The following ATP10B variants were observed in gnomAD, a reference collection of about 807,000 sequenced individuals.
ATP10B encodes the protein phospholipid-transporting ATPase VB.
ATP10B carries 122 observed loss-of-function variants against 141.2 expected under a neutral mutation model. The ratio of observed to expected loss-of-function variants is 0.86; its 90% CI spans 0.75 to 1.00. The LOEUF (loss-of-function observed/expected upper bound fraction) is 1.00. ATP10B is among the 50% of genes least tolerant of loss of function. The pLI, the probability that ATP10B is intolerant of heterozygous loss-of-function variation, is 0.00. For synonymous variants in ATP10B, 685 were observed against 692.0 expected, an observed-to-expected ratio of 0.99 and a Z score of 0.16; for missense variants, 1,876 against 1,825.3, an observed-to-expected ratio of 1.03 and a Z score of -0.51.
At chr5:160,675,770 TG>T (rs1394841607) in intron 6 of ATP10B, among the ~76,000 whole-genome samples, 2 of 149,994 alleles carry the variant, frequency 1.3e-5, no homozygotes, top group African/African-American at 4.9e-5. Flanking sequence ...GCTTACAACT[TG>T]TGTGACCTAC....
intron 2 of ATP10B, among the ~76,000 whole-genome samples, chr5:160,776,046 T>C (rs1770285263): frequency 6.6e-6 from 1 of 152,170 alleles, no homozygotes; most frequent in South Asian, 2.1e-4. Flanking sequence ...ATATTAGCTA[T>C]TGTGGTTACT....
chr5:160,589,464 A>G (rs1756129059), intron 24 of ATP10B, 128 bp downstream of exon 24: 1 of 726,922 alleles, frequency 1.4e-6, no homozygotes, highest in Admixed American at 2.1e-5. Context: ...CAGGTAGGAC[A>G]TAGGGTAGGA....
At chr5:160,718,243 G>T (rs1765774114) in intron 2 of ATP10B, among the ~76,000 whole-genome samples, 1 of 152,088 alleles carries the variant, frequency 6.6e-6, no homozygotes, top group Admixed American at 6.5e-5. Flanking sequence ...GACTAGTTTT[G>T]GGTACATACC....
intron 2 of ATP10B, among the ~76,000 whole-genome samples, chr5:160,763,373 A>G (rs890265227): frequency 5.3e-5 from 8 of 152,190 alleles, no homozygotes; most frequent in African/African-American, 1.7e-4. Flanking sequence ...CTCTCAGACC[A>G]CAGTGAAATA....
the ATP10B span, among the ~76,000 whole-genome samples, chr5:160,876,587 G>A: frequency 6.6e-6 from 1 of 150,926 alleles, no homozygotes; most frequent in South Asian, 2.1e-4. Flanking sequence ...AAAAATTAAT[G>A]AATCCAGAAG....
At chr5:160,882,434 T>C in the ATP10B span, among the ~76,000 whole-genome samples, 1 of 152,162 alleles carries the variant, frequency 6.6e-6, no homozygotes, top group Non-Finnish European at 1.5e-5. Context: ...AAATACATTA[T>C]TTTTAAATTT....
chr5:160,636,083 A>T (rs1343762254), intron 11 of ATP10B, 99 bp downstream of exon 11: 2 of 1,332,756 alleles, frequency 1.5e-6, no homozygotes, highest in Non-Finnish European at 2.0e-6. Flanking sequence ...TCCAGTTTGT[A>T]CTTTCTAGTG....
chr5:160,694,394 C>G (rs1162774021), intron 3 of ATP10B, among the ~76,000 whole-genome samples: 1 of 152,116 alleles, frequency 6.6e-6, no homozygotes, highest in Admixed American at 6.5e-5. Flanking sequence ...TGAGGATTAC[C>G]TAATTTTGCT....
At chr5:160,653,894 TGTAG>T (rs1561706999) in intron 7 of ATP10B, among the ~76,000 whole-genome samples, 8 of 91,332 alleles carry the variant, frequency 8.8e-5, no homozygotes, top group African/African-American at 3.1e-4. Context: ...TATAAATATA[TGTAG>T]TATATACGTA....
chr5:160,804,814 C>A (rs1198220398), intron 1 of ATP10B, among the ~76,000 whole-genome samples: 2 of 152,272 alleles, frequency 1.3e-5, no homozygotes, highest in East Asian at 3.9e-4. Flanking sequence ...AAAACAGTAG[C>A]ACCTCATGAT....
At chr5:160,884,983 T>A in the ATP10B span, among the ~76,000 whole-genome samples, 702 of 152,304 alleles carry the variant, frequency 4.6e-3, 2 homozygotes, top group Middle Eastern at 0.01. Flanking sequence ...TTTGCTGCAA[T>A]AGAGCCAGGG....
chr5:160,695,363 G>A (rs902908853), intron 3 of ATP10B, among the ~76,000 whole-genome samples: 6 of 151,224 alleles, frequency 4.0e-5, no homozygotes, highest in Non-Finnish European at 8.8e-5. Flanking sequence ...AAAAGAGAGA[G>A]GGTGCAGTGA....
chr5:160,627,796 G>A (rs1209946903), intron 13 of ATP10B, among the ~76,000 whole-genome samples: 2 of 152,218 alleles, frequency 1.3e-5, no homozygotes, highest in East Asian at 1.9e-4. Context: ...TAAACAGTGG[G>A]AACGGTATGC....
chr5:160,691,927 T>TA (rs1488874208), intron 3 of ATP10B: 1 of 152,178 alleles, frequency 6.6e-6, no homozygotes, highest in Non-Finnish European at 1.5e-5. Flanking sequence ...TTTGCTATTA[T>TA]AAAAAATGCA....
At chr5:160,776,921 C>T (rs993529807) in intron 2 of ATP10B, among the ~76,000 whole-genome samples, 31 of 152,170 alleles carry the variant, frequency 2.0e-4, no homozygotes, top group African/African-American at 7.5e-4. Flanking sequence ...GTAATTTCCA[C>T]AGGCAGCCAA....
rs144894123 is a variant in ATP10B, at chr5:160,832,132, C to T, written c.-576+19809G>A. Among the ~76,000 whole-genome samples, 1,517 of 152,158 alleles carry T rather than the reference C, an allele frequency of 1.0e-2. 17 individuals are homozygous for T. The highest frequency in any genetic ancestry group is 0.019 in the South Asian group (92 of 4,818). Reference sequence around the variant, plus strand: ...AGCAATAATAATCATAATAATGCCACAGAGCAGTATGAGATCACATTGTGT... The same window carrying T: ...AGCAATAATAATCATAATAATGCCATAGAGCAGTATGAGATCACATTGTGT... On this transcript the variant is annotated intron_variant, in intron 1 of 25. Coordinates refer to ENST00000327245, the MANE Select transcript of ATP10B (RefSeq NM_025153.3).
Position 160,603,947 on chromosome 5 carries a change from A to G in ATP10B, c.3237+18T>C, listed in dbSNP as rs1757235699. 1 of 1,598,746 alleles carries G rather than the reference A, an allele frequency of 6.3e-7. No individual in the cohort carries two copies. ...AACTAAGGACCAAAGAAAGAAGAAT[A>G]GTTGCAGAGAACAATACCTGCATGC... On this transcript the variant is annotated intron_variant, in intron 20 of 25. Coordinates refer to ENST00000327245, the MANE Select transcript of ATP10B (RefSeq NM_025153.3).
chr5:160,805,896 T>G (rs887726890), intron 1 of ATP10B, among the ~76,000 whole-genome samples: 7 of 152,202 alleles, frequency 4.6e-5, no homozygotes, highest in African/African-American at 1.7e-4. Context: ...CAAGAGGTCC[T>G]GCAATCTGTC....
intron 7 of ATP10B, among the ~76,000 whole-genome samples, chr5:160,660,503 T>G (rs557906055): frequency 6.6e-6 from 1 of 152,330 alleles, no homozygotes; most frequent in South Asian, 2.1e-4. Flanking sequence ...GGCAACCAAC[T>G]CATTATTTTG....
Sources: allele counts gnomAD v4.1 joint callset (sites outside exome capture counted in the v4.1 genomes callset), GRCh38; gene constraint gnomAD v4.1.1; transcripts MANE v1.5; gene names NCBI Gene and HGNC (gene_info 2026-07-23, HGNC 2026-07-21).